SPAG16: variants seen among roughly 807,000 people sequenced by gnomAD.
The protein encoded by SPAG16 is sperm associated antigen 16.
SPAG16 carries 86 observed loss-of-function variants against 80.4 expected under a neutral mutation model. That is an observed-to-expected ratio of 1.07 (90% CI 0.90 to 1.28). SPAG16 has a LOEUF of 1.28. SPAG16 is among the 50% of genes most tolerant of loss of function. The pLI is 0.00. For synonymous variants in SPAG16, 294 were observed against 265.9 expected (o/e 1.11, Z -1.03); for missense variants, 870 against 765.3 (o/e 1.14, Z -1.61).
intron 10 of SPAG16, among the ~76,000 whole-genome samples, chr2:213,512,625 T>TA (rs1367335752): frequency 6.6e-6 from 1 of 152,170 alleles, no homozygotes; most frequent in Non-Finnish European, 1.5e-5. Flanking sequence ...GTGTGGCTGC[T>TA]AAACCAAGAG....
At chr2:214,068,818 C>T (rs138694945) in intron 13 of SPAG16, among the ~76,000 whole-genome samples, 33 of 152,174 alleles carry the variant, frequency 2.2e-4, no homozygotes, top group African/African-American at 6.0e-4. Context: ...TTATTTATAA[C>T]GGAGAGCCCA....
intron 15 of SPAG16, among the ~76,000 whole-genome samples, chr2:214,405,861 G>A (rs958220871): frequency 6.6e-6 from 1 of 152,104 alleles, no homozygotes; most frequent in Admixed American, 6.6e-5. Flanking sequence ...TCATTTTCTA[G>A]GAGGAAAGAA....
At chr2:213,867,998 G>A (rs893858897) in intron 11 of SPAG16, among the ~76,000 whole-genome samples, 4 of 150,168 alleles carry the variant, frequency 2.7e-5, no homozygotes, top group African/African-American at 7.3e-5. Flanking sequence ...AGTGGGCTAC[G>A]AAGGGAAGAG....
chr2:214,336,790 CT>C (rs1697318955), intron 15 of SPAG16, among the ~76,000 whole-genome samples: 1 of 150,704 alleles, frequency 6.6e-6, no homozygotes, highest in Admixed American at 6.7e-5. Flanking sequence ...TTGTTGTAAG[CT>C]TTTACTTAAA....
intron 10 of SPAG16, among the ~76,000 whole-genome samples, chr2:213,854,289 T>C (rs1271644530): frequency 6.6e-6 from 1 of 152,200 alleles, no homozygotes; most frequent in Non-Finnish European, 1.5e-5. Flanking sequence ...ATGTTAACTA[T>C]ATGAAGGGCC....
intron 10 of SPAG16, among the ~76,000 whole-genome samples, chr2:213,598,997 G>A (rs1157725659): frequency 6.6e-6 from 1 of 152,136 alleles, no homozygotes; most frequent in South Asian, 2.1e-4. Flanking sequence ...GAGCAAATGT[G>A]TATAGGAAAG....
At chr2:213,835,332 G>A (rs1481252185) in intron 10 of SPAG16, among the ~76,000 whole-genome samples, 2 of 152,078 alleles carry the variant, frequency 1.3e-5, no homozygotes, top group African/African-American at 2.4e-5. Flanking sequence ...AAGTTACAGA[G>A]AATTATCTTT....
At chr2:213,983,351 A>C (rs1436132885) in intron 12 of SPAG16, among the ~76,000 whole-genome samples, 2 of 151,726 alleles carry the variant, frequency 1.3e-5, no homozygotes, top group African/African-American at 2.4e-5. Context: ...TGTTTTTCAG[A>C]ATAATAATAA....
chr2:213,291,698 G>A (rs1218141652), intron 1 of SPAG16, among the ~76,000 whole-genome samples: 1 of 152,170 alleles, frequency 6.6e-6, no homozygotes, highest in African/African-American at 2.4e-5. Context: ...AAAAAGTTGT[G>A]TATTCCTATT....
At chr2:213,303,626 G>T (rs911276396) in intron 3 of SPAG16, among the ~76,000 whole-genome samples, 1 of 152,088 alleles carries the variant, frequency 6.6e-6, no homozygotes, top group African/African-American at 2.4e-5. Flanking sequence ...GTGAGAACAT[G>T]TGAAGTTTGT....
intron 15 of SPAG16, among the ~76,000 whole-genome samples, chr2:214,234,150 G>C (rs936836391): frequency 1.3e-5 from 2 of 152,008 alleles, no homozygotes; most frequent in African/African-American, 4.8e-5. Flanking sequence ...TTGGTTTTCT[G>C]CTTCTGCATT....
intron 12 of SPAG16, among the ~76,000 whole-genome samples, chr2:213,965,293 T>G (rs918183309): frequency 2.0e-5 from 3 of 152,174 alleles, no homozygotes; most frequent in African/African-American, 7.2e-5. Flanking sequence ...AACTTTTGAT[T>G]TTTTGACTTC....
At chr2:213,286,473 A>G (rs1337434457) in intron 1 of SPAG16, among the ~76,000 whole-genome samples, 2 of 152,198 alleles carry the variant, frequency 1.3e-5, no homozygotes, top group African/African-American at 2.4e-5. Flanking sequence ...CACATGGTTA[A>G]TTAAGAGTTG....
intron 10 of SPAG16, among the ~76,000 whole-genome samples, chr2:213,715,213 G>GATCT (rs1279584030): frequency 1.2e-5 from 1 of 82,790 alleles, no homozygotes; most frequent in East Asian, 3.9e-4. Flanking sequence ...AAGTTAGGTA[G>GATCT]ATCTATCTGT....
intron 10 of SPAG16, among the ~76,000 whole-genome samples, chr2:213,655,664 A>C (rs1252176476): frequency 6.6e-6 from 1 of 152,182 alleles, no homozygotes; most frequent in Non-Finnish European, 1.5e-5. Flanking sequence ...AGGTGTATTC[A>C]GTTTTGAGAT....
intron 14 of SPAG16, among the ~76,000 whole-genome samples, chr2:214,124,787 C>A (rs2054395829): frequency 6.6e-6 from 1 of 151,728 alleles, no homozygotes; most frequent in South Asian, 2.1e-4. Context: ...AATTTGTATA[C>A]CAAGTGGCTC....
At chr2:213,966,776 T>C (rs1009494784) in intron 12 of SPAG16, among the ~76,000 whole-genome samples, 4 of 152,204 alleles carry the variant, frequency 2.6e-5, no homozygotes, top group Non-Finnish European at 5.9e-5. Context: ...GCATGATCAT[T>C]TTTTCCACAG....
chr2:214,153,462 A>G (rs747504799), intron 15 of SPAG16, among the ~76,000 whole-genome samples: 1 of 152,174 alleles, frequency 6.6e-6, no homozygotes, highest in African/African-American at 2.4e-5. Flanking sequence ...TTCTTGTTTT[A>G]TATTTTATTA....
intron 10 of SPAG16, among the ~76,000 whole-genome samples, chr2:213,718,848 A>C (rs2066376631): frequency 6.6e-6 from 1 of 152,148 alleles, no homozygotes; most frequent in Non-Finnish European, 1.5e-5. Flanking sequence ...GCCCAGTCCC[A>C]TCGACCACCC....
Sources: allele counts gnomAD v4.1 joint callset (sites outside exome capture counted in the v4.1 genomes callset), GRCh38; gene constraint gnomAD v4.1.1; transcripts MANE v1.5; gene names NCBI Gene and HGNC (gene_info 2026-07-23, HGNC 2026-07-21).